The following SEPTIN2 variants were observed in gnomAD, a reference collection of about 807,000 sequenced individuals.
SEPTIN2 encodes the protein septin-2.
A neutral mutation model predicts 46.5 loss-of-function variants in SEPTIN2; 34 were observed. That is an observed-to-expected ratio of 0.73 (90% CI 0.56 to 0.97). The LOEUF is 0.97. SEPTIN2 is among the 50% of genes least tolerant of loss of function. SEPTIN2 has a pLI of 0.00. For synonymous variants in SEPTIN2, 175 were observed against 153.4 expected (o/e 1.14, Z -1.04); for missense variants, 347 against 448.4 (o/e 0.77, Z 2.04).
Position 241,323,798 on chromosome 2 carries a change from T to C in SEPTIN2, c.-17-418T>C, listed in dbSNP as rs572742182. Reference sequence around the variant, plus strand: ...AAAATGGAGGTGCCAAACAGAATTATAACATTTTCGGAACTAAGGCTCATT... The same window carrying C: ...AAAATGGAGGTGCCAAACAGAATTACAACATTTTCGGAACTAAGGCTCATT... On this transcript the variant is annotated intron_variant, in intron 1 of 12. Coordinates refer to ENST00000391971, the MANE Select transcript of SEPTIN2 (RefSeq NM_004404.5). Among the ~76,000 whole-genome samples, 3 of 152,328 alleles carry C rather than the reference T, an allele frequency of 2.0e-5. No individual in the cohort carries two copies. In the South Asian group the frequency reaches 6.2e-4, roughly 32 times the overall value.
chr2:241,346,968 C>T (rs923157901), intron 10 of SEPTIN2, among the ~76,000 whole-genome samples: 2 of 152,190 alleles, frequency 1.3e-5, no homozygotes, highest in East Asian at 1.9e-4. Flanking sequence ...TCCTCACTCA[C>T]CTTTTCTTTT....
chr2:241,331,108 G>A (rs544547281), intron 3 of SEPTIN2, among the ~76,000 whole-genome samples: 9 of 152,308 alleles, frequency 5.9e-5, no homozygotes, highest in African/African-American at 2.2e-4. Context: ...GAATCTGGGA[G>A]GGGGAGGTTT....
At chr2:241,342,505 G>GT (rs1429665762) in intron 7 of SEPTIN2, among the ~76,000 whole-genome samples, 1 of 146,116 alleles carries the variant, frequency 6.8e-6, no homozygotes, top group Non-Finnish European at 1.5e-5. Flanking sequence ...CAAAATTCAA[G>GT]TATAAATACC....
At chr2:241,319,892 C>T (rs2076897926) in intron 1 of SEPTIN2, among the ~76,000 whole-genome samples, 3 of 152,372 alleles carry the variant, frequency 2.0e-5, no homozygotes, top group South Asian at 4.1e-4. Flanking sequence ...CCACACTCTG[C>T]CAGCAGTTTT....
intron 1 of SEPTIN2, among the ~76,000 whole-genome samples, chr2:241,319,684 T>G (rs990755760): frequency 4.6e-5 from 7 of 152,190 alleles, no homozygotes; most frequent in Non-Finnish European, 1.0e-4. Context: ...CTTCACCTCC[T>G]GGGCTCAAGG....
chr2:241,323,899 A>G (rs1192102759), intron 1 of SEPTIN2, among the ~76,000 whole-genome samples: 2 of 152,246 alleles, frequency 1.3e-5, no homozygotes, highest in Non-Finnish European at 1.5e-5. Flanking sequence ...TAAAGAAGTA[A>G]CAGTCATAAG....
chr2:241,336,099 G>C lies in SEPTIN2; in HGVS notation c.341+1G>C. On this transcript the variant is annotated splice_donor_variant, in intron 5 of 12. Transcript: ENST00000391971. LOFTEE classifies it high-confidence loss of function. ...GTGACGCTATCAACTGCAGAGATTG[G>C]TATGCTCCCCCATGCCCAGGGATCT... 3 of 1,613,744 alleles carry C rather than the reference G, an allele frequency of 1.9e-6. No homozygotes were observed. The highest frequency in any genetic ancestry group is 1.7e-6 in the Non-Finnish European group (2 of 1,179,736).
At position 241,346,261 on chromosome 2, in the gene SEPTIN2, G is replaced by T; in HGVS notation, c.926+12G>T. 1.9e-6 allele frequency: 3 copies of T among 1,610,248 alleles called. No individual in the cohort carries two copies. The highest frequency in any genetic ancestry group is 8.5e-7 in the Non-Finnish European group (1 of 1,176,780). ...AAGAGAGGCGGCAGGTCATCACACT[G>T]TGCCCCTTTCTCTGTATTGTGTCAC... is the stretch of plus-strand genomic sequence containing the variant. On this transcript the variant is annotated intron_variant, in intron 10 of 12. Coordinates refer to ENST00000391971, the MANE Select transcript of SEPTIN2 (RefSeq NM_004404.5).
At chr2:241,346,435 T>C (rs2060240252) in intron 10 of SEPTIN2, 186 bp downstream of exon 10, 1 of 438,764 alleles carries the variant, frequency 2.3e-6, no homozygotes, top group African/African-American at 2.0e-5. Flanking sequence ...TAAGAAAAAG[T>C]ACATTTAATG....
At chr2:241,337,830 C>A in intron 7 of SEPTIN2, 40 bp downstream of exon 7, 1 of 1,395,300 alleles carries the variant, frequency 7.2e-7, no homozygotes, top group Non-Finnish European at 1.0e-6. Flanking sequence ...CTGGGTGCGA[C>A]TCGGGGGCAT....
intron 1 of SEPTIN2, among the ~76,000 whole-genome samples, chr2:241,321,266 AT>A (rs543920192): frequency 4.8e-4 from 71 of 148,172 alleles, no homozygotes; most frequent in East Asian, 3.6e-3. Flanking sequence ...TCTCACTTGA[AT>A]TTTTTTTTTT....
chr2:241,338,263 G>T (rs1327863467), intron 7 of SEPTIN2, among the ~76,000 whole-genome samples: 3 of 152,052 alleles, frequency 2.0e-5, no homozygotes, highest in Non-Finnish European at 4.4e-5. Flanking sequence ...CCCAGTTTTA[G>T]TGCCTCTTCC....
chr2:241,326,890 A>G (rs1010771860), intron 3 of SEPTIN2, among the ~76,000 whole-genome samples: 1 of 152,054 alleles, frequency 6.6e-6, no homozygotes, highest in Non-Finnish European at 1.5e-5. Context: ...GCTGGGCAAC[A>G]TGGTGAAACC....
chr2:241,329,355 C>T (rs1414907939), intron 3 of SEPTIN2, among the ~76,000 whole-genome samples: 4 of 152,086 alleles, frequency 2.6e-5, no homozygotes, highest in African/African-American at 4.8e-5. Flanking sequence ...GTCTCGATCT[C>T]CTGACTTCGT....
chr2:241,318,702 CTTT>C (rs1284874061), intron 1 of SEPTIN2, among the ~76,000 whole-genome samples: 6 of 132,408 alleles, frequency 4.5e-5, no homozygotes, highest in Middle Eastern at 3.8e-3. Flanking sequence ...TTTGTATTTT[CTTT>C]TTTTTTTTTT....
intron 11 of SEPTIN2, among the ~76,000 whole-genome samples, chr2:241,348,612 T>A (rs1000329569): frequency 6.6e-6 from 1 of 152,158 alleles, no homozygotes; most frequent in African/African-American, 2.4e-5. Flanking sequence ...TTTATAGTTT[T>A]TTTTTTAATT....
At chr2:241,336,207 A>T in intron 5 of SEPTIN2, 109 bp downstream of exon 5, 2 of 1,109,560 alleles carry the variant, frequency 1.8e-6, no homozygotes, top group Non-Finnish European at 2.6e-6. Flanking sequence ...TGTATATAAT[A>T]AAACACCTAG....
intron 7 of SEPTIN2, among the ~76,000 whole-genome samples, chr2:241,338,702 T>TTATTTATATAATATATTATATATA (rs2080528420): frequency 2.8e-5 from 3 of 107,046 alleles, no homozygotes; most frequent in Admixed American, 1.5e-4. Context: ...ATATATTATA[T>TTATTTATATAATATATTATATATA]TTATATTATT....
intron 4 of SEPTIN2, chr2:241,335,502 GT>G: frequency 1.4e-6 from 1 of 732,184 alleles, no homozygotes; most frequent in Non-Finnish European, 2.3e-6. Context: ...AAGTGAGAAT[GT>G]TTTACATCAA....
Sources: allele counts gnomAD v4.1 joint callset (sites outside exome capture counted in the v4.1 genomes callset), GRCh38; gene constraint gnomAD v4.1.1; transcripts MANE v1.5; gene names NCBI Gene and HGNC (gene_info 2026-07-23, HGNC 2026-07-21).